TENM4: variants seen among roughly 807,000 people sequenced by gnomAD.
TENM4 encodes teneurin transmembrane protein 4.
TENM4 carries 82 observed loss-of-function variants against 243.3 expected under a neutral mutation model. That is an observed-to-expected ratio of 0.34 (90% CI 0.28 to 0.40). TENM4 has a LOEUF of 0.40. TENM4 is among the 10% of genes least tolerant of loss of function. TENM4 has a pLI of 1.00. For synonymous variants in TENM4, 1,412 were observed against 1,456.3 expected (o/e 0.97, Z 0.69); for missense variants, 3,138 against 3,673.3 (o/e 0.85, Z 3.77).
chr11:79,361,645 AC>A (rs1175590617), intron 1 of TENM4, among the ~76,000 whole-genome samples: 7 of 152,164 alleles, frequency 4.6e-5, no homozygotes, highest in Non-Finnish European at 1.0e-4. Context: ...TCCTGCAGAG[AC>A]CCTGAATGGC....
chr11:78,768,259 C>T (rs1055596231), intron 18 of TENM4, among the ~76,000 whole-genome samples: 1 of 152,214 alleles, frequency 6.6e-6, no homozygotes, highest in Non-Finnish European at 1.5e-5. Context: ...GACGTTTCCT[C>T]ATTTAATAGT....
intron 3 of TENM4, among the ~76,000 whole-genome samples, chr11:79,154,602 A>C (rs1393221025): frequency 6.6e-6 from 1 of 152,048 alleles, no homozygotes; most frequent in Non-Finnish European, 1.5e-5. Flanking sequence ...CATCCAAACC[A>C]GGCATCTTTC....
At chr11:79,257,758 G>A (rs556210376) in intron 2 of TENM4, among the ~76,000 whole-genome samples, 35 of 152,272 alleles carry the variant, frequency 2.3e-4, no homozygotes, top group African/African-American at 6.0e-4. Context: ...CATTATTAAG[G>A]CCACCACATT....
At chr11:79,004,588 G>T (rs1858425069) in intron 6 of TENM4, among the ~76,000 whole-genome samples, 1 of 151,936 alleles carries the variant, frequency 6.6e-6, no homozygotes, top group Non-Finnish European at 1.5e-5. Flanking sequence ...AACATATCAG[G>T]ATCTCTAAAG....
chr11:79,080,810 AC>A (rs1860649864), intron 4 of TENM4, among the ~76,000 whole-genome samples: 1 of 151,806 alleles, frequency 6.6e-6, no homozygotes, highest in South Asian at 2.1e-4. Context: ...TTCCTAGAAA[AC>A]CCCTTCAAGG....
intron 3 of TENM4, among the ~76,000 whole-genome samples, chr11:79,178,838 A>G (rs954206808): frequency 6.6e-6 from 1 of 152,226 alleles, no homozygotes; most frequent in Non-Finnish European, 1.5e-5. Flanking sequence ...ACCCCCATGA[A>G]GCCACCAAAC....
rs113846634 is a variant in TENM4, at chr11:79,000,937, A to C, written c.493+63801T>G. 3.1e-3 allele frequency among the ~76,000 whole-genome samples: 476 copies of C among 152,336 alleles called. 3 individuals are homozygous for C. The highest frequency in any genetic ancestry group is 0.016 in the East Asian group (84 of 5,174). ...TCCCAGCTACTTGGGAGGCTGAGGC[A>C]GGAGAATCACTTGAACCCAGGAGGT... On this transcript the variant is annotated intron_variant, in intron 6 of 33. Coordinates refer to ENST00000278550, the MANE Select transcript of TENM4 (RefSeq NM_001098816.3).
At chr11:78,915,216 G>C (rs1430273967) in intron 6 of TENM4, among the ~76,000 whole-genome samples, 1 of 152,164 alleles carries the variant, frequency 6.6e-6, no homozygotes, top group Admixed American at 6.5e-5. Flanking sequence ...TCACACCTTT[G>C]CCTGGTTAAC....
chr11:79,135,906 G>A (rs1862101292), intron 4 of TENM4, among the ~76,000 whole-genome samples: 1 of 151,432 alleles, frequency 6.6e-6, no homozygotes, highest in African/African-American at 2.4e-5. Flanking sequence ...TGAGATTGGA[G>A]ACTATTATTC....
At chr11:79,177,746 G>A (rs1863194164) in intron 3 of TENM4, among the ~76,000 whole-genome samples, 1 of 152,110 alleles carries the variant, frequency 6.6e-6, no homozygotes, top group Non-Finnish European at 1.5e-5. Context: ...GAGGTGCAAG[G>A]GTGCCTGGCA....
intron 1 of TENM4, among the ~76,000 whole-genome samples, chr11:79,342,849 C>G (rs1210552833): frequency 6.6e-6 from 1 of 152,208 alleles, no homozygotes; most frequent in Non-Finnish European, 1.5e-5. Context: ...CAGTGCAGTT[C>G]CCTTCCCCCT....
chr11:78,699,961 G>A (rs1351431633), intron 28 of TENM4, among the ~76,000 whole-genome samples: 1 of 152,206 alleles, frequency 6.6e-6, no homozygotes, highest in East Asian at 1.9e-4. Flanking sequence ...ATTCCAATGA[G>A]TTAATCAAGA....
chr11:78,843,066 C>T (rs1341282756), intron 12 of TENM4, among the ~76,000 whole-genome samples: 1 of 151,904 alleles, frequency 6.6e-6, no homozygotes, highest in Non-Finnish European at 1.5e-5. Context: ...ATCACCTGAG[C>T]TCAGGAGTTC....
chr11:79,317,640 T>C (rs1378986300), intron 1 of TENM4, among the ~76,000 whole-genome samples: 1 of 152,124 alleles, frequency 6.6e-6, no homozygotes, highest in African/African-American at 2.4e-5. Context: ...CTGCTCAAGG[T>C]CATATGGCAT....
intron 32 of TENM4, among the ~76,000 whole-genome samples, chr11:78,662,847 A>G (rs1243224307): frequency 6.6e-6 from 1 of 152,202 alleles, no homozygotes; most frequent in Non-Finnish European, 1.5e-5. Flanking sequence ...TTTCATTTAG[A>G]CAGGCTGACA....
intron 1 of TENM4, among the ~76,000 whole-genome samples, chr11:79,304,115 G>C (rs1590865500): frequency 6.6e-6 from 1 of 152,148 alleles, no homozygotes; most frequent in African/African-American, 2.4e-5. Context: ...GCTTCCACTG[G>C]GTGTCTCACT....
At chr11:78,788,781 G>A (rs1856992182) in intron 15 of TENM4, among the ~76,000 whole-genome samples, 1 of 152,142 alleles carries the variant, frequency 6.6e-6, no homozygotes, top group African/African-American at 2.4e-5. Flanking sequence ...TGTGGCTTTG[G>A]GGAGGTCACT....
At chr11:79,201,892 GA>G (rs1863745783) in intron 3 of TENM4, among the ~76,000 whole-genome samples, 8 of 152,174 alleles carry the variant, frequency 5.3e-5, no homozygotes, top group Admixed American at 5.2e-4. Flanking sequence ...GAGGCAGGGA[GA>G]CACTGGGGAG....
intron 12 of TENM4, among the ~76,000 whole-genome samples, chr11:78,823,813 A>G (rs1857790750): frequency 6.6e-6 from 1 of 152,204 alleles, no homozygotes; most frequent in African/African-American, 2.4e-5. Context: ...TTGCAACGGA[A>G]AAAACTAATT....
Sources: allele counts gnomAD v4.1 joint callset (sites outside exome capture counted in the v4.1 genomes callset), GRCh38; gene constraint gnomAD v4.1.1; transcripts MANE v1.5; gene names NCBI Gene and HGNC (gene_info 2026-07-23, HGNC 2026-07-21).